Variants in NOX1 observed in about 807,000 individuals in gnomAD.
NOX1 encodes the protein NADH/NADPH mitogenic oxidase subunit P65-MOX.
In NOX1, 34 loss-of-function variants were observed where a neutral mutation model predicts 42.5. That is an observed-to-expected ratio of 0.80 (90% CI 0.61 to 1.07). NOX1 has a LOEUF of 1.07. NOX1 is among the 50% of genes least tolerant of loss of function. The pLI is 0.00. For synonymous variants in NOX1, 143 were observed against 152.5 expected (o/e 0.94, Z 0.46); for missense variants, 408 against 427.0 (o/e 0.96, Z 0.39).
chrX:100,857,627 C>T (rs751047703), intron 7 of NOX1, among the ~76,000 whole-genome samples: 3 of 110,813 alleles, frequency 2.7e-5, no homozygotes, highest in African/African-American at 6.6e-5. Flanking sequence ...CTCTAATGAT[C>T]GGCGATGTTG....
At chrX:100,872,715 A>G in intron 1 of NOX1, among the ~76,000 whole-genome samples, 1 of 109,968 alleles carries the variant, frequency 9.1e-6, no homozygotes, top group Non-Finnish European at 1.9e-5. Flanking sequence ...TTATATTTGT[A>G]TCTAATCTAG....
intron 7 of NOX1, among the ~76,000 whole-genome samples, chrX:100,852,733 A>G (rs1428715548): frequency 8.9e-6 from 1 of 112,089 alleles, no homozygotes; most frequent in Non-Finnish European, 1.9e-5. Flanking sequence ...AGTGAACATT[A>G]TGCAATTCAG....
In NOX1 at chrX:100,870,811, C is replaced by T; in HGVS notation, c.49G>A (p.Val17Ile). The change falls in exon 2 of 13, where the codon GTT becomes ATT. Residue 17 changes from valine to isoleucine, a missense_variant. Physicochemically the swap from Val to Ile is conservative, Grantham distance 29. Transcript: ENST00000372966. ...AGGAAAACATTCAGCCCTAACCAAA[C>T]AACCTAGAGAAAGAAAAAAAAACAT... is the stretch of plus-strand genomic sequence containing the variant. ...NHWFSVLFLV[V>I]WLGLNVFLFV... The T allele has an allele frequency of 1.8e-6, 2 of 1,137,028 alleles. No homozygotes were observed. Among genetic ancestry groups the T allele is most frequent in the Non-Finnish European group, 2.4e-6 (2 of 840,254 alleles). The allele number at this position is 1,137,028 out of a possible 1,213,427, so 93.7% of individuals were successfully genotyped here.
chrX:100,872,516 T>A (rs747556169), intron 1 of NOX1, among the ~76,000 whole-genome samples: 2 of 111,499 alleles, frequency 1.8e-5, no homozygotes, highest in Non-Finnish European at 3.8e-5. Flanking sequence ...TATTTAAAAA[T>A]CAGTGCATAG....
intron 1 of NOX1, 121 bp downstream of exon 1, chrX:100,873,974 T>C (rs2085291651): frequency 8.2e-6 from 4 of 486,911 alleles, no homozygotes; most frequent in African/African-American, 7.3e-5. Context: ...AACTAACTGG[T>C]CTTGATGAGC....
intron 2 of NOX1, among the ~76,000 whole-genome samples, chrX:100,869,024 C>T (rs1569449001): frequency 9.0e-6 from 1 of 111,309 alleles, no homozygotes; most frequent in Non-Finnish European, 1.9e-5. Flanking sequence ...ATATATATCT[C>T]TGTTTTGGTA....
At chrX:100,872,656 G>C (rs1329369749) in intron 1 of NOX1, among the ~76,000 whole-genome samples, 5 of 110,162 alleles carry the variant, frequency 4.5e-5, no homozygotes, top group Non-Finnish European at 7.6e-5. Context: ...AAAAATAAGA[G>C]AGGGGGAAAA....
Position 100,863,250 on chromosome X carries a change from A to G in NOX1, c.253-7T>C. 1.7e-6 allele frequency: 2 copies of G among 1,169,113 alleles called. No homozygotes were observed. Among genetic ancestry groups the G allele is most frequent in the Non-Finnish European group, 2.3e-6 (2 of 856,829 alleles). ...TCAGTGTGCGGCTGCAAAACTACAA[A>G]TGTAGAATGATCATGGTCAGATGTC... On this transcript the variant is annotated splice_polypyrimidine_tract_variant and splice_region_variant and intron_variant, in intron 3 of 12. Coordinates refer to ENST00000372966, the MANE Select transcript of NOX1 (RefSeq NM_007052.5).
chrX:100,869,968 T>C (rs1162800093), intron 2 of NOX1, among the ~76,000 whole-genome samples: 1 of 94,623 alleles, frequency 1.1e-5, no homozygotes, highest in Admixed American at 1.2e-4. Flanking sequence ...TTACATTTAT[T>C]GATTTGTGTA....
rs1569444379 is a variant in NOX1, at chrX:100,849,772, C to A, written c.1296G>T (p.Lys432Asn). ...AGAAAAGTGATATACGGGATTATAC[C>A]TTTTTTGTTTTGAGGTTGTGGTCTG... The part of the protein sequence containing the change: ...QCADHNLKTK[K>N]IYFYWICRET... The change falls in exon 10 of 13, where the codon AAG becomes AAT. Residue 432 changes from lysine to asparagine, a missense_variant and splice_region_variant. Coordinates refer to ENST00000372966, the MANE Select transcript of NOX1 (RefSeq NM_007052.5). 3.3e-6 allele frequency: 4 copies of A among 1,200,538 alleles called. No individual in the cohort carries two copies. The highest frequency in any genetic ancestry group is 3.4e-6 in the Non-Finnish European group (3 of 890,510).
In NOX1 at chrX:100,849,939, C is replaced by A; in HGVS notation, c.1134-5G>T. The A allele has an allele frequency of 8.4e-7, 1 of 1,183,565 alleles. No individual in the cohort carries two copies. ...AAGGGACCATCCACTTCAATCCTGG[C>A]AGAAGACAGAAGATAACGGGCAACT... On this transcript the variant is annotated splice_region_variant and splice_polypyrimidine_tract_variant and intron_variant, in intron 9 of 12. Coordinates refer to ENST00000372966, the MANE Select transcript of NOX1 (RefSeq NM_007052.5).
At chrX:100,870,635 A>G (rs2085268396) in intron 2 of NOX1, 84 bp downstream of exon 2, 2 of 655,651 alleles carry the variant, frequency 3.1e-6, no homozygotes, top group Non-Finnish European at 4.9e-6. Context: ...CCTAGAGAAT[A>G]TCAGGGCATT....
intron 7 of NOX1, chrX:100,855,397 C>A: frequency 1.7e-6 from 1 of 600,789 alleles, no homozygotes. Context: ...GGGGCCAGAG[C>A]GTCTGCCCCA....
chrX:100,844,118 A>G (rs1353414628), intron 12 of NOX1, 40 bp from the exon 13 acceptor site: 7 of 1,106,731 alleles, frequency 6.3e-6, no homozygotes, highest in Non-Finnish European at 8.4e-6. Context: ...GAATGCAGCA[A>G]TGACAGAATG....
At chrX:100,866,904 A>G (rs982263979) in intron 2 of NOX1, among the ~76,000 whole-genome samples, 8 of 111,565 alleles carry the variant, frequency 7.2e-5, no homozygotes, top group African/African-American at 2.6e-4. Flanking sequence ...GTGACTGGGC[A>G]TGGTCGCTCA....
At chrX:100,869,519 G>A (rs1327093799) in intron 2 of NOX1, among the ~76,000 whole-genome samples, 2 of 110,805 alleles carry the variant, frequency 1.8e-5, no homozygotes, top group Non-Finnish European at 3.8e-5. Flanking sequence ...TTTGTATCCT[G>A]AGACTTTGCT....
At chrX:100,873,045 C>T (rs868452227) in intron 1 of NOX1, among the ~76,000 whole-genome samples, 1 of 30,609 alleles carries the variant, frequency 3.3e-5, no homozygotes, top group East Asian at 1.4e-3. Context: ...GGTCGGGGGG[C>T]GGGGGGGTAG....
In NOX1 at chrX:100,843,652, C is replaced by A; in HGVS notation, c.*300G>T. 2.3e-6 allele frequency: 1 copy of A among 425,601 alleles called. No homozygotes were observed. The highest frequency in any genetic ancestry group is 3.8e-6 in the Non-Finnish European group (1 of 262,749). 35.1% of individuals were successfully genotyped at this position (425,601 alleles called of 1,213,427 possible). On this transcript the variant is annotated 3_prime_UTR_variant, in exon 13 of 13. Coordinates refer to ENST00000372966, the MANE Select transcript of NOX1 (RefSeq NM_007052.5). ...TGGGATTAGTTGTATAACTCTGAAC[C>A]ACCAAACCTCTGCTATCAAGCCTTG...
chrX:100,850,963 C>T (rs1040391746), intron 8 of NOX1, among the ~76,000 whole-genome samples: 2 of 111,431 alleles, frequency 1.8e-5, no homozygotes, highest in Admixed American at 9.5e-5. Context: ...CCTCAGCCTC[C>T]CAAGTAGCTG....
Sources: allele counts gnomAD v4.1 joint callset (sites outside exome capture counted in the v4.1 genomes callset), GRCh38; gene constraint gnomAD v4.1.1; transcripts MANE v1.5; gene names NCBI Gene and HGNC (gene_info 2026-07-23, HGNC 2026-07-21).